The following CSMD1 variants were observed in gnomAD, a reference collection of about 807,000 sequenced individuals.
CSMD1 encodes CUB and Sushi multiple domains 1, also known as CUB and sushi domain-containing protein 1.
A neutral mutation model predicts 417.5 loss-of-function variants in CSMD1; 213 were observed. The observed-to-expected ratio is 0.51, with a 90% CI of 0.46 to 0.57. CSMD1 has a LOEUF of 0.57. CSMD1 is among the 20% of genes least tolerant of loss of function. CSMD1 has a pLI of 0.00. For missense variants in CSMD1, 6,923 were observed against 4,529.7 expected (o/e 1.53, Z -15.17); for synonymous variants, 2,862 against 1,736.8 (o/e 1.65, Z -16.11).
chr8:3,266,931 A>C (rs1294505799), intron 26 of CSMD1, among the ~76,000 whole-genome samples: 1 of 152,240 alleles, frequency 6.6e-6, no homozygotes, highest in Admixed American at 6.5e-5. Context: ...CAAGAAATGC[A>C]GACAGCCAAC....
intron 5 of CSMD1, among the ~76,000 whole-genome samples, chr8:3,889,327 A>C (rs1450687529): frequency 6.6e-6 from 1 of 151,244 alleles, no homozygotes. Context: ...AGAGACGATA[A>C]TCTGCCATGT....
At chr8:3,720,153 T>G (rs946640363) in intron 6 of CSMD1, among the ~76,000 whole-genome samples, 1 of 152,192 alleles carries the variant, frequency 6.6e-6, no homozygotes, top group African/African-American at 2.4e-5. Flanking sequence ...CCCGTTAAAC[T>G]TCACCGCACA....
At chr8:4,377,234 C>T (rs972532340) in intron 3 of CSMD1, among the ~76,000 whole-genome samples, 10 of 152,004 alleles carry the variant, frequency 6.6e-5, no homozygotes, top group Admixed American at 2.0e-4. Flanking sequence ...AATAATTAAC[C>T]GAGATTAGTA....
In CSMD1 at chr8:3,187,888, G is replaced by C. The variant is rs1022910772; in HGVS notation, c.5601C>G (p.Pro1867=). Residue 1867 remains proline (P), a synonymous_variant, in exon 36 of 70, where the codon CCC becomes CCG. Coordinates refer to ENST00000635120, the MANE Select transcript of CSMD1 (RefSeq NM_033225.6). ...TCTTACCTGAGAAGCTTCCCAGTCT[G>C]GGTGCGGTCACATCCCCACCATCGT... ...EIHDGGDVTA[P]RLGSFSGTTV... is the part of the protein sequence containing the mutation. 1.9e-6 allele frequency: 3 copies of C among 1,612,684 alleles called. No homozygotes were observed. Among genetic ancestry groups the C allele is most frequent in the East Asian group, 2.2e-5 (1 of 44,840 alleles).
intron 2 of CSMD1, among the ~76,000 whole-genome samples, chr8:4,634,281 TTC>T (rs1191082314): frequency 6.6e-6 from 1 of 152,200 alleles, no homozygotes; most frequent in African/African-American, 2.4e-5. Flanking sequence ...AATACTATAT[TTC>T]TGACTAAAGT....
intron 3 of CSMD1, among the ~76,000 whole-genome samples, chr8:4,264,788 T>C (rs1804135744): frequency 6.6e-6 from 1 of 152,162 alleles, no homozygotes; most frequent in African/African-American, 2.4e-5. Flanking sequence ...CGCCATAAAC[T>C]TGGACAAGTT....
At chr8:3,934,474 T>C (rs1810352794) in intron 5 of CSMD1, among the ~76,000 whole-genome samples, 1 of 152,202 alleles carries the variant, frequency 6.6e-6, no homozygotes, top group South Asian at 2.1e-4. Flanking sequence ...ATGTCTTTTT[T>C]TCTGAAGTAT....
intron 1 of CSMD1, among the ~76,000 whole-genome samples, chr8:4,744,822 C>T (rs916011565): frequency 6.6e-6 from 1 of 152,012 alleles, no homozygotes; most frequent in Non-Finnish European, 1.5e-5. Context: ...ACATAAAACA[C>T]CCATAAGAAA....
chr8:3,511,877 AG>A (rs1797088965), intron 10 of CSMD1, among the ~76,000 whole-genome samples: 1 of 150,262 alleles, frequency 6.7e-6, no homozygotes, highest in African/African-American at 2.5e-5. Flanking sequence ...TTATCGCCAC[AG>A]AATTTGCGTT....
chr8:3,196,418 T>A (rs1796705730), intron 33 of CSMD1, among the ~76,000 whole-genome samples: 1 of 152,214 alleles, frequency 6.6e-6, no homozygotes, highest in South Asian at 2.1e-4. Flanking sequence ...TTAACTTTCC[T>A]AATAAACTTG....
intron 3 of CSMD1, among the ~76,000 whole-genome samples, chr8:4,250,623 G>C (rs114674690): frequency 2.0e-5 from 3 of 152,174 alleles, no homozygotes; most frequent in Admixed American, 6.5e-5. Flanking sequence ...AAATAGTACA[G>C]CAGTTCCTTC....
intron 5 of CSMD1, among the ~76,000 whole-genome samples, chr8:3,866,091 T>A (rs1014490144): frequency 6.6e-6 from 1 of 152,192 alleles, no homozygotes; most frequent in African/African-American, 2.4e-5. Context: ...ATGAGCTTTC[T>A]TCCAAATAAG....
intron 12 of CSMD1, among the ~76,000 whole-genome samples, chr8:3,418,504 T>TA (rs1158753068): frequency 2.0e-5 from 3 of 152,122 alleles, no homozygotes; most frequent in Non-Finnish European, 4.4e-5. Flanking sequence ...GAGTCATATT[T>TA]ACTTGGCCAA....
At chr8:3,024,950 C>T (rs7000164) in intron 51 of CSMD1, among the ~76,000 whole-genome samples, 18,088 of 151,018 alleles carry the variant, frequency 0.12, 1,446 homozygotes, top group East Asian at 0.26. Context: ...GATACACGTG[C>T]CCTAAAACTG....
intron 5 of CSMD1, among the ~76,000 whole-genome samples, chr8:3,938,188 G>T (rs1199658296): frequency 6.6e-6 from 1 of 152,034 alleles, no homozygotes; most frequent in Non-Finnish European, 1.5e-5. Context: ...CATTGACATT[G>T]CCTGTCATTT....
intron 1 of CSMD1, among the ~76,000 whole-genome samples, chr8:4,810,815 C>A (rs6982386): frequency 0.31 from 47,233 of 151,890 alleles, 8,477 homozygotes; most frequent in Admixed American, 0.47. Context: ...ATATAAAGAA[C>A]GAAGACGAGA....
At chr8:3,688,793 G>A (rs535991812) in intron 7 of CSMD1, among the ~76,000 whole-genome samples, 2 of 152,124 alleles carry the variant, frequency 1.3e-5, no homozygotes, top group East Asian at 1.9e-4. Context: ...AGAGTATACT[G>A]TAATACTATA....
At chr8:4,141,133 A>C (rs1040831353) in intron 3 of CSMD1, among the ~76,000 whole-genome samples, 1 of 151,216 alleles carries the variant, frequency 6.6e-6, no homozygotes, top group African/African-American at 2.5e-5. Flanking sequence ...GTTTCCTCCA[A>C]GAGAGCTCCA....
chr8:4,792,480 T>G (rs1194634009), intron 1 of CSMD1, among the ~76,000 whole-genome samples: 3 of 152,168 alleles, frequency 2.0e-5, no homozygotes, highest in African/African-American at 7.2e-5. Context: ...TATTCTTCAT[T>G]TTCTATTCCC....
Sources: allele counts gnomAD v4.1 joint callset (sites outside exome capture counted in the v4.1 genomes callset), GRCh38; gene constraint gnomAD v4.1.1; transcripts MANE v1.5; gene names NCBI Gene and HGNC (gene_info 2026-07-23, HGNC 2026-07-21).